The following RALGAPA1 variants were observed in gnomAD, a reference collection of about 807,000 sequenced individuals.
The protein encoded by RALGAPA1 is ral GTPase-activating protein subunit alpha-1.
Under a neutral mutation model 269.6 loss-of-function variants are expected in RALGAPA1, and 52 were observed. The ratio of observed to expected loss-of-function variants is 0.19; its 90% CI spans 0.15 to 0.24. The LOEUF (loss-of-function observed/expected upper bound fraction) is 0.24, where lower values mean the gene tolerates loss of function less well. Ranked by LOEUF, RALGAPA1 falls within the 10% of genes least tolerant of loss-of-function variation. The pLI is 1.00. For synonymous variants in RALGAPA1, 817 were observed against 1,008.3 expected (o/e 0.81, Z 3.60); for missense variants, 1,917 against 3,013.9 (o/e 0.64, Z 8.52).
At chr14:35,653,679 A>T (rs924550599) in intron 30 of RALGAPA1, among the ~76,000 whole-genome samples, 21 of 152,088 alleles carry the variant, frequency 1.4e-4, no homozygotes, top group African/African-American at 5.1e-4. Context: ...GTGATATGGT[A>T]AGAGCCATGT....
intron 9 of RALGAPA1, among the ~76,000 whole-genome samples, chr14:35,749,968 T>A (rs2072523071): frequency 1.3e-5 from 2 of 152,002 alleles, no homozygotes; most frequent in Admixed American, 1.3e-4. Flanking sequence ...AAAAGAAGTA[T>A]GAGGGAAAAA....
intron 16 of RALGAPA1, among the ~76,000 whole-genome samples, chr14:35,708,894 G>T (rs186351278): frequency 2.6e-5 from 4 of 152,082 alleles, no homozygotes; most frequent in Non-Finnish European, 4.4e-5. Context: ...GTATATATAC[G>T]CAATGAAGTA....
intron 36 of RALGAPA1, among the ~76,000 whole-genome samples, chr14:35,603,761 A>G (rs2059423366): frequency 1.3e-5 from 2 of 152,088 alleles, no homozygotes; most frequent in African/African-American, 4.8e-5. Flanking sequence ...CAAACATAAC[A>G]TGTTCTCACT....
intron 16 of RALGAPA1, among the ~76,000 whole-genome samples, chr14:35,714,145 A>C (rs2068602657): frequency 6.6e-6 from 1 of 151,980 alleles, no homozygotes; most frequent in Non-Finnish European, 1.5e-5. Flanking sequence ...AGTCTCTTGG[A>C]TATATACCTG....
At position 35,738,597 on chromosome 14, in the gene RALGAPA1, G is replaced by A. The variant is rs767161152; in HGVS notation, c.1503C>T (p.Asn501=). The A allele has an allele frequency of 4.2e-5, 67 of 1,613,182 alleles. No homozygotes were observed. Among genetic ancestry groups the A allele is most frequent in the Admixed American group, 3.8e-4 (23 of 59,878 alleles). ...TATGAAGAGCACCTTGGTAGGAGCC[G>A]TTTTTTGCCCAACTGGAATTTCGAA... The part of the protein sequence containing the change: ...DHVRNSSWAK[N]GSYQGALHNA... Residue 501 remains asparagine, a synonymous_variant, in exon 12 of 42, where the codon AAC becomes AAT. Transcript: ENST00000680220.
At chr14:35,808,113 A>G (rs764133155) in intron 1 of RALGAPA1, among the ~76,000 whole-genome samples, 3 of 152,246 alleles carry the variant, frequency 2.0e-5, no homozygotes, top group Non-Finnish European at 4.4e-5. Context: ...CAGACGATAA[A>G]AAAAATATTT....
intron 1 of RALGAPA1, among the ~76,000 whole-genome samples, chr14:35,798,171 C>CTT (rs200882004): frequency 2.9e-5 from 4 of 139,988 alleles, no homozygotes; most frequent in Non-Finnish European, 4.7e-5. Context: ...ACACGCTCGG[C>CTT]TTTTTTTTTT....
chr14:35,770,719 G>T (rs2074546814), intron 4 of RALGAPA1, among the ~76,000 whole-genome samples: 1 of 152,114 alleles, frequency 6.6e-6, no homozygotes, highest in Admixed American at 6.5e-5. Context: ...TAATGTATCA[G>T]AATAAAGGAA....
intron 15 of RALGAPA1, 140 bp downstream of exon 15, chr14:35,722,887 A>AT: frequency 2.0e-6 from 1 of 503,414 alleles, no homozygotes; most frequent in Non-Finnish European, 3.5e-6. Context: ...TATTTTATAC[A>AT]TTTTCATTTT....
chr14:35,789,000 A>T (rs901239746), intron 1 of RALGAPA1, among the ~76,000 whole-genome samples: 2 of 152,194 alleles, frequency 1.3e-5, no homozygotes, highest in African/African-American at 2.4e-5. Flanking sequence ...AAGTCTAGGA[A>T]TATGAACATG....
chr14:35,628,966 T>C (rs1216949756), intron 33 of RALGAPA1, among the ~76,000 whole-genome samples: 1 of 151,070 alleles, frequency 6.6e-6, no homozygotes, highest in Non-Finnish European at 1.5e-5. Flanking sequence ...AGATGCCCAA[T>C]GTCAGAATCT....
At chr14:35,674,304 A>G (rs1448253134) in intron 23 of RALGAPA1, 26 bp from the exon 24 acceptor site, 2 of 1,536,930 alleles carry the variant, frequency 1.3e-6, no homozygotes, top group Admixed American at 3.5e-5. Context: ...AAAAAGCAAC[A>G]AACCTAAGAA....
rs1160609552 is a variant in RALGAPA1, at chr14:35,744,348, G to C, written c.1252-1783C>G. ...ATCACGCCACTGCACTCCAGCCTGG[G>C]CAACAAGAACAAGACTCCATCTCAA... On this transcript the variant is annotated intron_variant, in intron 10 of 41. Coordinates refer to ENST00000680220, the MANE Select transcript of RALGAPA1 (RefSeq NM_001346249.2). Among the ~76,000 whole-genome samples, 5 of 142,802 alleles carry C rather than the reference G, an allele frequency of 3.5e-5. No homozygotes were observed. The Admixed American group carries it at 3.6e-4, about 10-fold the overall frequency. 93.7% of individuals were successfully genotyped at this position (142,802 alleles called of 152,430 possible).
chr14:35,766,131 C>A (rs2074120867), intron 4 of RALGAPA1: 1 of 960,834 alleles, frequency 1.0e-6, no homozygotes, highest in Non-Finnish European at 1.7e-6. Context: ...GACCAGAAAT[C>A]CTGCTGCCTA....
At chr14:35,700,985 G>C (rs1442012023) in intron 16 of RALGAPA1, among the ~76,000 whole-genome samples, 2 of 152,078 alleles carry the variant, frequency 1.3e-5, no homozygotes, top group Non-Finnish European at 2.9e-5. Flanking sequence ...TTGGGTTCTT[G>C]ACAAAAATAG....
chr14:35,798,281 T>C (rs1366899673), intron 1 of RALGAPA1, among the ~76,000 whole-genome samples: 1 of 151,178 alleles, frequency 6.6e-6, no homozygotes, highest in Non-Finnish European at 1.5e-5. Context: ...GCTCAAGCAA[T>C]CTCATCATCT....
At chr14:35,710,843 T>TCAGTA (rs1202803386) in intron 16 of RALGAPA1, among the ~76,000 whole-genome samples, 2 of 152,222 alleles carry the variant, frequency 1.3e-5, no homozygotes. Context: ...CCTACAATAT[T>TCAGTA]CAGTACAGTT....
chr14:35,804,753 AGACCCCATCTCT>A (rs1396059569), intron 1 of RALGAPA1, among the ~76,000 whole-genome samples: 2 of 149,096 alleles, frequency 1.3e-5, no homozygotes, highest in African/African-American at 4.9e-5. Flanking sequence ...GGGCAACATG[AGACCCCATCTCT>A]ACAAAAAAAA....
At chr14:35,584,376 C>T (rs2058141017) in intron 37 of RALGAPA1, among the ~76,000 whole-genome samples, 1 of 152,058 alleles carries the variant, frequency 6.6e-6, no homozygotes, top group Admixed American at 6.6e-5. Flanking sequence ...GTGATCCTCT[C>T]ACCTCAGCCT....
Sources: allele counts gnomAD v4.1 joint callset (sites outside exome capture counted in the v4.1 genomes callset), GRCh38; gene constraint gnomAD v4.1.1; transcripts MANE v1.5; gene names NCBI Gene and HGNC (gene_info 2026-07-23, HGNC 2026-07-21).